The following PNLDC1 variants were observed in gnomAD, a reference collection of about 807,000 sequenced individuals.
The protein encoded by PNLDC1 is poly(A)-specific ribonuclease PNLDC1.
A neutral mutation model predicts 82.0 loss-of-function variants in PNLDC1; 70 were observed. That is an observed-to-expected ratio of 0.85 (90% confidence interval 0.70 to 1.04). The LOEUF (loss-of-function observed/expected upper bound fraction) is 1.04, where lower values mean the gene tolerates loss of function less well. Ranked by LOEUF, PNLDC1 falls within the 50% of genes least tolerant of loss-of-function variation. The pLI is 0.00. For synonymous variants in PNLDC1, 280 were observed against 249.3 expected (o/e 1.12, Z -1.16); for missense variants, 631 against 661.1 (o/e 0.95, Z 0.50).
rs138037776 is a variant in PNLDC1, at chr6:159,819,731, G to A, written c.1532+379G>A. Among the ~76,000 whole-genome samples the A allele has an allele frequency of 6.6e-3, 1,012 of 152,250 alleles. 9 individuals carry two copies. Among genetic ancestry groups the A allele is most frequent in the African/African-American group, 0.024 (980 of 41,542 alleles). ...GGCTGCAGTTCAAAGGAGCTGATGG[G>A]GGTCTTCATTAGAGACTTGGAGTGA... On this transcript the variant is annotated intron_variant, in intron 18 of 18. Transcript: ENST00000392167. This position sits in a 1 kb window ranked among gnomAD's most constrained non-coding sequence, Gnocchi z 4.6.
At chr6:159,802,762 T>C (rs1367165456) in intron 3 of PNLDC1, among the ~76,000 whole-genome samples, 1 of 152,158 alleles carries the variant, frequency 6.6e-6, no homozygotes, top group Non-Finnish European at 1.5e-5. Flanking sequence ...TTTGTATTTT[T>C]AGTAGAGACA....
Position 159,811,849 on chromosome 6 carries a change from C to G in PNLDC1, c.939+63C>G, listed in dbSNP as rs1781655976. 1.9e-5 allele frequency: 23 copies of G among 1,216,718 alleles called. 1 individual carries two copies. The highest frequency in any genetic ancestry group is 2.6e-5 in the Non-Finnish European group (22 of 842,628). 75.4% of individuals were successfully genotyped at this position (1,216,718 alleles called of 1,614,324 possible). On this transcript the variant is annotated intron_variant, in intron 11 of 18. Transcript: ENST00000392167. ...TTCCATACCAGTAACACTTAGCTTT[C>G]TCTTGTGGGGTTTTTTTCTTGTGTT... is the stretch of plus-strand genomic sequence containing the variant.
intron 5 of PNLDC1, 57 bp from the exon 6 acceptor site, chr6:159,804,492 A>T: frequency 3.3e-6 from 4 of 1,200,690 alleles, no homozygotes; most frequent in Non-Finnish European, 4.9e-6. Context: ...AATCAGGCAC[A>T]GAGGATCCCT....
rs1781961071 is a variant in PNLDC1 at position 159,819,407 on chromosome 6, T to C, written c.1532+55T>C. 5.6e-6 allele frequency: 8 copies of C among 1,426,166 alleles called. No individual in the cohort carries two copies. The highest frequency in any genetic ancestry group is 7.8e-6 in the Non-Finnish European group (8 of 1,029,116). 88.3% of individuals were successfully genotyped at this position (1,426,166 alleles called of 1,614,324 possible). On this transcript the variant is annotated intron_variant, in intron 18 of 18. Coordinates refer to ENST00000392167, the MANE Select transcript of PNLDC1 (RefSeq NM_001271862.2). This position sits in a 1 kb window ranked among gnomAD's most constrained non-coding sequence, Gnocchi z 4.6. Reference sequence around the variant, plus strand: ...TCCTGGGGTCCTGGAGTGCCCGGGGTCCCAGCATCCCAGCATGGTCTGACT... The same window carrying C: ...TCCTGGGGTCCTGGAGTGCCCGGGGCCCCAGCATCCCAGCATGGTCTGACT...
At position 159,819,855 on chromosome 6, in the gene PNLDC1, T is replaced by C. The variant is rs2115066479; in HGVS notation, c.1532+503T>C. ...GTGAGCAAAACAGCAAGGAGGGGGATGCAGGAGAAGGAACCAGTGCCCCCC... is the reference window on the plus strand; with the variant it reads ...GTGAGCAAAACAGCAAGGAGGGGGACGCAGGAGAAGGAACCAGTGCCCCCC... On this transcript the variant is annotated intron_variant, in intron 18 of 18. Transcript: ENST00000392167. The surrounding 1 kb of genome is among the most constrained non-coding windows in gnomAD (Gnocchi z 4.6). 6.6e-6 allele frequency among the ~76,000 whole-genome samples: 1 copy of C among 151,998 alleles called. No individual in the cohort carries two copies. Among genetic ancestry groups the C allele is most frequent in the South Asian group, 2.1e-4 (1 of 4,812 alleles).
chr6:159,809,018 G>A lies in PNLDC1; in HGVS notation c.643G>A (p.Val215Ile), dbSNP rs774361547. 7 of 1,612,682 alleles carry A rather than the reference G, an allele frequency of 4.3e-6. No individual in the cohort carries two copies. In the South Asian group the frequency reaches 5.5e-5, roughly 13 times the overall value. Residue 215 changes from valine (V) to isoleucine (I), a missense_variant, in exon 9 of 19, where the codon GTA becomes ATA. Transcript: ENST00000392167. ...IWTVLKDEGVVVKKVSKQHRW... is the reference protein window; with the variant it reads ...IWTVLKDEGVIVKKVSKQHRW... The stretch of plus-strand genomic sequence containing the variant: ...GGAATTTGTCCCTGCTTTTCAGGTG[G>A]TAGTGAAGAAAGTGAGTAAACAACA...
upstream of PNLDC1, among the ~76,000 whole-genome samples, chr6:159,800,058 T>A (rs1477034303): frequency 6.6e-6 from 1 of 152,216 alleles, no homozygotes; most frequent in Non-Finnish European, 1.5e-5. Context: ...AAGAAATTGC[T>A]GAGGAGCCAG....
chr6:159,816,567 C>T lies in PNLDC1; in HGVS notation c.1085C>T (p.Ala362Val). The change falls in exon 14 of 19, where the codon GCC (alanine) becomes GTC (valine). Residue 362 changes from alanine to valine, a missense_variant. Ala to Val is a moderately conservative substitution (Grantham distance 64). Transcript: ENST00000392167. Reference sequence around the variant, plus strand: ...GTTGAGACAAAGTGCCCCCACGAAGCCGCGTATGATGCCTTCCTCTGTGGG... The same window carrying T: ...GTTGAGACAAAGTGCCCCCACGAAGTCGCGTATGATGCCTTCCTCTGTGGG... The part of the protein sequence containing the change: ...KYVETKCPHE[A>V]AYDAFLCGSV... The T allele has an allele frequency of 6.2e-7, 1 of 1,613,696 alleles. No homozygotes were observed. Among genetic ancestry groups the T allele is most frequent in the Non-Finnish European group, 8.5e-7 (1 of 1,179,920 alleles).
chr6:159,804,888 G>T (rs1374437490), intron 6 of PNLDC1, among the ~76,000 whole-genome samples: 1 of 152,188 alleles, frequency 6.6e-6, no homozygotes, highest in East Asian at 1.9e-4. Flanking sequence ...TGTTTAAAAA[G>T]AAAAAGAAAC....
In PNLDC1 at chr6:159,818,642, G is replaced by T. The variant is rs778984196; in HGVS notation, c.1245G>T (p.Gly415=). 6.2e-7 allele frequency: 1 copy of T among 1,613,580 alleles called. No homozygotes were observed. The highest frequency in any genetic ancestry group is 1.1e-5 in the South Asian group (1 of 91,058). The part of the protein sequence containing the change: ...YVNQVNLIRA[G]VPKINFSGPD... ...ACCAAGTGAACCTCATCCGAGCGGG[G>T]GTCCCAAAGATCGTGAGTAGATCTC... Residue 415 remains glycine, a synonymous_variant, in exon 16 of 19, where the codon GGG becomes GGT. Coordinates refer to ENST00000392167, the MANE Select transcript of PNLDC1 (RefSeq NM_001271862.2).
chr6:159,810,167 A>G (rs1432186131), intron 10 of PNLDC1, 72 bp downstream of exon 10: 3 of 1,408,572 alleles, frequency 2.1e-6, no homozygotes, highest in East Asian at 2.3e-5. Flanking sequence ...GTACACAATC[A>G]TACCCCTGAG....
rs370603085 is a variant in PNLDC1 at position 159,816,523 on chromosome 6, C to T, written c.1061-20C>T. The stretch of plus-strand genomic sequence containing the variant: ...TAATGACTGCTCAATTCTCTGTCCT[C>T]CTGGTGGAAAATGCCTCAGTTGAGA... On this transcript the variant is annotated intron_variant, in intron 13 of 18. Transcript: ENST00000392167. The T allele has an allele frequency of 1.4e-5, 23 of 1,612,862 alleles. No individual in the cohort carries two copies. Among genetic ancestry groups the T allele is most frequent in the African/African-American group, 6.7e-5 (5 of 74,864 alleles).
intron 3 of PNLDC1, 106 bp downstream of exon 3, chr6:159,801,292 C>A: frequency 1.9e-6 from 2 of 1,077,956 alleles, no homozygotes; most frequent in Non-Finnish European, 1.4e-6. Context: ...TATTGAGTAT[C>A]GTTTTGTATG....
intron 1 of PNLDC1, 181 bp downstream of exon 1, chr6:159,800,564 GC>G (rs1313363469): frequency 1.4e-6 from 2 of 1,404,478 alleles, no homozygotes; most frequent in Admixed American, 3.8e-5. Context: ...TACACTCCGA[GC>G]CCCACGTCCC....
At chr6:159,809,425 C>T (rs1007760146) in intron 9 of PNLDC1, among the ~76,000 whole-genome samples, 2 of 151,268 alleles carry the variant, frequency 1.3e-5, no homozygotes, top group Non-Finnish European at 2.9e-5. Context: ...GCTGGGACTA[C>T]AGGCACATGC....
intron 12 of PNLDC1, 81 bp downstream of exon 12, chr6:159,813,737 G>A: frequency 7.8e-7 from 1 of 1,277,920 alleles, no homozygotes; most frequent in Non-Finnish European, 1.1e-6. Flanking sequence ...GGGCTCTCTA[G>A]GCGTGCCCAC....
chr6:159,803,621 TTAAAC>T (rs1399943853), intron 4 of PNLDC1, among the ~76,000 whole-genome samples: 3 of 152,200 alleles, frequency 2.0e-5, no homozygotes, highest in Non-Finnish European at 4.4e-5. Context: ...AAAGTGATGT[TTAAAC>T]TACCTGACAC....
At chr6:159,809,958 A>G in intron 9 of PNLDC1, 68 bp from the exon 10 acceptor site, 1 of 1,318,050 alleles carries the variant, frequency 7.6e-7, no homozygotes, top group Non-Finnish European at 1.1e-6. Flanking sequence ...TTTGCAAGAA[A>G]CTGTTAGTCT....
intron 3 of PNLDC1, among the ~76,000 whole-genome samples, chr6:159,802,485 T>C (rs140856178): frequency 1.3e-5 from 2 of 152,260 alleles, no homozygotes; most frequent in African/African-American, 2.4e-5. Flanking sequence ...TTTTCTGTTA[T>C]GGTTTTTTTT....
Sources: allele counts gnomAD v4.1 joint callset (sites outside exome capture counted in the v4.1 genomes callset), GRCh38; gene constraint gnomAD v4.1.1; non-coding constraint Gnocchi (gnomAD v3.1); transcripts MANE v1.5; gene names NCBI Gene and HGNC (gene_info 2026-07-23, HGNC 2026-07-21).